The following PCDHGA8 variants were observed in gnomAD, a reference collection of about 807,000 sequenced individuals.
The protein encoded by PCDHGA8 is protocadherin gamma-A8.
PCDHGA8 carries 45 observed loss-of-function variants against 59.2 expected under a neutral mutation model. The ratio of observed to expected loss-of-function variants is 0.76; its 90% CI spans 0.60 to 0.98. PCDHGA8 has a LOEUF of 0.98. Among genes scored for constraint, PCDHGA8 ranks in the 50% least tolerant of loss-of-function variants. PCDHGA8 has a pLI of 0.00. For missense variants in PCDHGA8, 1,257 were observed against 1,196.2 expected (o/e 1.05, Z -0.75); for synonymous variants, 531 against 519.0 (o/e 1.02, Z -0.32).
chr5:141,415,901 C>A, intron 1 of PCDHGA8: 1 of 847,932 alleles, frequency 1.2e-6, no homozygotes, highest in Non-Finnish European at 1.6e-6. Context: ...CTAAGACAGA[C>A]TTCCATACAG....
chr5:141,510,852 G>A (rs2099883073), intron 3 of PCDHGA8, 95 bp from the exon 4 acceptor site: 2 of 1,601,096 alleles, frequency 1.2e-6, no homozygotes, highest in Non-Finnish European at 1.7e-6. Flanking sequence ...GGCCCAGGGT[G>A]CTGTATAGGC....
chr5:141,423,603 C>G, intron 1 of PCDHGA8: 1 of 1,612,584 alleles, frequency 6.2e-7, no homozygotes. Flanking sequence ...GCGAGCCACT[C>G]TTGATAGCTG....
At chr5:141,406,702 A>G (rs1430662433) in intron 1 of PCDHGA8, among the ~76,000 whole-genome samples, 1 of 152,242 alleles carries the variant, frequency 6.6e-6, no homozygotes. Context: ...TCTATAGTAT[A>G]TGCTTGCTCA....
At position 141,415,039 on chromosome 5, in the gene PCDHGA8, G is replaced by T. The variant is rs761101620; in HGVS notation, c.2424+19802G>T. ...CAAGGCCAGCGAGCCGGGACTCTTC[G>T]CGGTGGGGGAGCACACGGGCGAGGT... On this transcript the variant is annotated intron_variant, in intron 1 of 3. Transcript: ENST00000398604. The T allele has an allele frequency of 3.1e-6, 5 of 1,613,342 alleles. No homozygotes were observed. The highest frequency in any genetic ancestry group is 3.4e-6 in the Non-Finnish European group (4 of 1,179,934).
In PCDHGA8 at chr5:141,486,397, G is replaced by T; in HGVS notation, c.2425-8410G>T. 6.2e-7 allele frequency: 1 copy of T among 1,614,164 alleles called. No individual in the cohort carries two copies. Among genetic ancestry groups the T allele is most frequent in the East Asian group, 2.2e-5 (1 of 44,872 alleles). On this transcript the variant is annotated intron_variant, in intron 1 of 3. Coordinates refer to ENST00000398604, the MANE Select transcript of PCDHGA8 (RefSeq NM_032088.2). The surrounding 1 kb of genome is among the most constrained non-coding windows in gnomAD (Gnocchi z 5.0). ...CCTTCAGGAACCAGTTCTCCCTGGTGACTGCTGGACCCTTGGATCGAGAGG... is the reference window on the plus strand; with the variant it reads ...CCTTCAGGAACCAGTTCTCCCTGGTTACTGCTGGACCCTTGGATCGAGAGG...
At chr5:141,426,033 C>G (rs978171140) in intron 1 of PCDHGA8, among the ~76,000 whole-genome samples, 14 of 152,162 alleles carry the variant, frequency 9.2e-5, no homozygotes, top group African/African-American at 3.1e-4. Context: ...AGACTCAGAG[C>G]CCTGCTGTTG....
chr5:141,497,740 C>G (rs954595046), intron 2 of PCDHGA8, among the ~76,000 whole-genome samples: 9 of 152,054 alleles, frequency 5.9e-5, no homozygotes, highest in African/African-American at 2.2e-4. Context: ...GGTTTCGCCA[C>G]GTTGGCCAGG....
At position 141,394,384 on chromosome 5, in the gene PCDHGA8, A is replaced by G. The variant is rs1379369009; in HGVS notation, c.1571A>G (p.Gln524Arg). The change falls in exon 1 of 4, where the codon CAG (glutamine) becomes CGG (arginine). Residue 524 changes from glutamine (Q) to arginine (R), a missense_variant. Gln to Arg is a conservative substitution (Grantham distance 43). Transcript: ENST00000398604. ...GCGCTGCAATCTTTCGACTATGAGC[A>G]GATCCGAGACCTGCAGCTACTGGTA... Reference protein sequence around the residue: ...LYALQSFDYEQIRDLQLLVTA... With the variant: ...LYALQSFDYERIRDLQLLVTA... 1.2e-6 allele frequency: 2 copies of G among 1,614,114 alleles called. No homozygotes were observed. The highest frequency in any genetic ancestry group is 2.7e-5 in the African/African-American group (2 of 74,940).
intron 1 of PCDHGA8, chr5:141,426,709 A>G (rs1259104705): frequency 6.8e-6 from 3 of 443,800 alleles, no homozygotes; most frequent in South Asian, 3.1e-5. Flanking sequence ...TTACAAATCA[A>G]TGAACTAGCA....
In PCDHGA8 at chr5:141,490,803, C is replaced by A; in HGVS notation, c.2425-4004C>A. The A allele has an allele frequency of 6.2e-7, 1 of 1,613,956 alleles. No homozygotes were observed. Among genetic ancestry groups the A allele is most frequent in the South Asian group, 1.1e-5 (1 of 91,080 alleles). On this transcript the variant is annotated intron_variant, in intron 1 of 3. Transcript: ENST00000398604. The surrounding 1 kb of genome is among the most constrained non-coding windows in gnomAD (Gnocchi z 5.4). ...ATGGACGGATCTTTGCCCAGCGTAC[C>A]TTTGACTATGAATTGCTGCAGATGC...
At position 141,490,938 on chromosome 5, in the gene PCDHGA8, C is replaced by T. The variant is rs2099706179; in HGVS notation, c.2425-3869C>T. ...ATGATAATGCCCCAGCTGTGCTGCA[C>T]CCACGGCCAGACTGGGAACACTCAG... On this transcript the variant is annotated intron_variant, in intron 1 of 3. Coordinates refer to ENST00000398604, the MANE Select transcript of PCDHGA8 (RefSeq NM_032088.2). This position sits in a 1 kb window ranked among gnomAD's most constrained non-coding sequence, Gnocchi z 5.4. 6.2e-7 allele frequency: 1 copy of T among 1,613,554 alleles called. No homozygotes were observed. Among genetic ancestry groups the T allele is most frequent in the African/African-American group, 1.3e-5 (1 of 74,934 alleles).
rs948944459 is a variant in PCDHGA8 at position 141,476,485 on chromosome 5, G to T, written c.2425-18322G>T. 1 of 1,614,076 alleles carries T rather than the reference G, an allele frequency of 6.2e-7. No individual in the cohort carries two copies. The highest frequency in any genetic ancestry group is 8.5e-7 in the Non-Finnish European group (1 of 1,180,016). ...CGCTGGAGCTGTTCAGCGTGGAAGT[G>T]GTGATCCAGGACATCAACGACAACA... is the stretch of plus-strand genomic sequence containing the variant. On this transcript the variant is annotated intron_variant, in intron 1 of 3. Coordinates refer to ENST00000398604, the MANE Select transcript of PCDHGA8 (RefSeq NM_032088.2). The surrounding 1 kb of genome is among the most constrained non-coding windows in gnomAD (Gnocchi z 7.6).
At chr5:141,418,908 C>T (rs1037628215) in intron 1 of PCDHGA8, 1 of 1,613,814 alleles carries the variant, frequency 6.2e-7, no homozygotes, top group Non-Finnish European at 8.5e-7. Context: ...ATAATCATCA[C>T]GTCACTCTCT....
intron 1 of PCDHGA8, chr5:141,419,715 T>C: frequency 6.2e-7 from 1 of 1,613,288 alleles, no homozygotes. Flanking sequence ...CTCTTCAGCC[T>C]GGGGCTGCGA....
In PCDHGA8 at chr5:141,511,149, G is replaced by T; in HGVS notation, c.2775G>T (p.Lys925Asn). The change falls in exon 4 of 4, where the codon AAG becomes AAT. Residue 925 changes from lysine to asparagine, a missense_variant. By Grantham distance (94) the Lys-to-Asn change is moderately conservative. Transcript: ENST00000398604. ...APAGGNGNKKKSGKKEKK is the reference protein window; with the variant it reads ...APAGGNGNKKNSGKKEKK The stretch of plus-strand genomic sequence containing the variant: ...CAGGTGGCAATGGCAACAAGAAGAA[G>T]TCGGGCAAGAAGGAGAAGAAGTAAC... 1 of 1,614,176 alleles carries T rather than the reference G, an allele frequency of 6.2e-7. No homozygotes were observed. The highest frequency in any genetic ancestry group is 8.5e-7 in the Non-Finnish European group (1 of 1,179,998).
At chr5:141,417,690 A>T in intron 1 of PCDHGA8, 1 of 1,077,126 alleles carries the variant, frequency 9.3e-7, no homozygotes, top group East Asian at 2.6e-5. Context: ...AGAAAAGAAA[A>T]CCAGCTCCCA....
At chr5:141,500,619 G>A (rs1230172485) in intron 2 of PCDHGA8, among the ~76,000 whole-genome samples, 1 of 152,072 alleles carries the variant, frequency 6.6e-6, no homozygotes, top group East Asian at 1.9e-4. Context: ...CCAGTCATAC[G>A]GTACATTTCC....
chr5:141,503,221 C>A (rs528636727), intron 2 of PCDHGA8, among the ~76,000 whole-genome samples: 2 of 151,956 alleles, frequency 1.3e-5, no homozygotes, highest in Non-Finnish European at 2.9e-5. Context: ...CCATGAGCAC[C>A]GTAAAGATGG....
intron 1 of PCDHGA8, chr5:141,417,918 T>C (rs1371704441): frequency 1.2e-6 from 2 of 1,605,528 alleles, no homozygotes; most frequent in Non-Finnish European, 8.5e-7. Context: ...CTATTTCCTT[T>C]GCTGCTGCCT....
Sources: allele counts gnomAD v4.1 joint callset (sites outside exome capture counted in the v4.1 genomes callset), GRCh38; gene constraint gnomAD v4.1.1; non-coding constraint Gnocchi (gnomAD v3.1); transcripts MANE v1.5; gene names NCBI Gene and HGNC (gene_info 2026-07-23, HGNC 2026-07-21).